Variants in ULK4 observed in about 807,000 individuals in gnomAD.
ULK4 encodes the protein inactive serine/threonine-protein kinase ULK4.
A neutral mutation model predicts 160.6 loss-of-function variants in ULK4; 133 were observed. That is an observed-to-expected ratio of 0.83 (90% CI 0.72 to 0.96). ULK4 has a LOEUF of 0.96. Among genes scored for constraint, ULK4 ranks in the 40% least tolerant of loss-of-function variants. The probability of loss-of-function intolerance (pLI) is 0.00; values close to 1 mark genes in which losing one functional copy is unlikely to be tolerated. For missense variants in ULK4, 1,580 were observed against 1,499.5 expected, an observed-to-expected ratio of 1.05 and a Z score of -0.89; for synonymous variants, 534 against 539.8, an observed-to-expected ratio of 0.99 and a Z score of 0.15.
chr3:41,730,861 T>G (rs759333951), intron 22 of ULK4, among the ~76,000 whole-genome samples: 1 of 152,192 alleles, frequency 6.6e-6, no homozygotes, highest in Non-Finnish European at 1.5e-5. Flanking sequence ...ATCCCAGGGA[T>G]GCAAGGATGG....
chr3:41,723,079 TTAA>T (rs2037530044), intron 22 of ULK4, among the ~76,000 whole-genome samples: 1 of 152,190 alleles, frequency 6.6e-6, no homozygotes, highest in Non-Finnish European at 1.5e-5. Context: ...GGTATCAGAT[TTAA>T]TTTCTACCCA....
intron 32 of ULK4, among the ~76,000 whole-genome samples, chr3:41,526,329 C>T (rs2086115705): frequency 6.6e-6 from 1 of 152,118 alleles, no homozygotes; most frequent in Non-Finnish European, 1.5e-5. Context: ...TGGAGAGGGA[C>T]AGAGCCAGAG....
intron 30 of ULK4, among the ~76,000 whole-genome samples, chr3:41,655,521 G>A (rs899412071): frequency 6.6e-6 from 1 of 151,968 alleles, no homozygotes; most frequent in African/African-American, 2.4e-5. Flanking sequence ...ACAACTTAAA[G>A]TATAATAAAA....
At chr3:41,626,321 A>G (rs896197525) in intron 30 of ULK4, among the ~76,000 whole-genome samples, 7 of 152,200 alleles carry the variant, frequency 4.6e-5, no homozygotes, top group Non-Finnish European at 8.8e-5. Context: ...TCAATACACA[A>G]TATTTTAAAT....
At chr3:41,808,012 G>C (rs1025960293) in intron 19 of ULK4, among the ~76,000 whole-genome samples, 1 of 152,110 alleles carries the variant, frequency 6.6e-6, no homozygotes, top group African/African-American at 2.4e-5. Flanking sequence ...TTGTCGTCGC[G>C]TATCTCCTAG....
chr3:41,526,814 A>T (rs61580775), intron 32 of ULK4, among the ~76,000 whole-genome samples: 254 of 152,304 alleles, frequency 1.7e-3, no homozygotes, highest in African/African-American at 4.5e-3. Context: ...AGGGTTTTTT[A>T]AAAATTTCCT....
In ULK4 at chr3:41,511,894, T is replaced by C. The variant is rs186494258; in HGVS notation, c.3227-48641A>G. ...ACAGATAAAAAAATCCTCAACAAAA[T>C]AACCAATCCAACAGTGTATCAAAAA... On this transcript the variant is annotated intron_variant, in intron 32 of 36. Coordinates refer to ENST00000301831, the MANE Select transcript of ULK4 (RefSeq NM_017886.4). 2.7e-4 allele frequency among the ~76,000 whole-genome samples: 41 copies of C among 151,870 alleles called. 1 individual carries two copies. Among genetic ancestry groups the C allele is most frequent in the Admixed American group, 2.6e-3 (39 of 15,266 alleles).
chr3:41,724,629 A>G (rs2037585660), intron 22 of ULK4, among the ~76,000 whole-genome samples: 1 of 152,092 alleles, frequency 6.6e-6, no homozygotes. Flanking sequence ...AGGCTGAGGC[A>G]GGAGAATGGC....
intron 32 of ULK4, among the ~76,000 whole-genome samples, chr3:41,496,274 T>C (rs950795475): frequency 1.3e-5 from 2 of 152,114 alleles, no homozygotes; most frequent in East Asian, 1.9e-4. Flanking sequence ...GACTGCGATA[T>C]ACAACGATTA....
chr3:41,685,332 G>C (rs1424033791), intron 27 of ULK4, among the ~76,000 whole-genome samples: 1 of 152,172 alleles, frequency 6.6e-6, no homozygotes, highest in Non-Finnish European at 1.5e-5. Context: ...ATGAGACAGA[G>C]TAGCAATGGG....
At chr3:41,459,226 T>A (rs1453292982) in intron 33 of ULK4, among the ~76,000 whole-genome samples, 30 of 151,592 alleles carry the variant, frequency 2.0e-4, no homozygotes, top group Admixed American at 1.5e-3. Flanking sequence ...TAATTTATTT[T>A]TTTATTTTTT....
intron 35 of ULK4, among the ~76,000 whole-genome samples, chr3:41,327,492 C>A (rs2080360536): frequency 6.6e-6 from 1 of 152,140 alleles, no homozygotes; most frequent in South Asian, 2.1e-4. Flanking sequence ...CCAGAGCCCA[C>A]ACACGTCCAG....
At chr3:41,487,337 T>G (rs1445797818) in intron 32 of ULK4, among the ~76,000 whole-genome samples, 1 of 152,094 alleles carries the variant, frequency 6.6e-6, no homozygotes. Context: ...CATAACAAAG[T>G]TATGTTTTAC....
chr3:41,950,632 G>A (rs1416215119), intron 2 of ULK4, among the ~76,000 whole-genome samples: 8 of 151,714 alleles, frequency 5.3e-5, no homozygotes, highest in Admixed American at 4.6e-4. Context: ...CAAGCAATTC[G>A]CCTGCCTCGG....
intron 35 of ULK4, among the ~76,000 whole-genome samples, chr3:41,259,366 C>T (rs1048287041): frequency 6.6e-6 from 1 of 152,146 alleles, no homozygotes; most frequent in African/African-American, 2.4e-5. Flanking sequence ...ATTTCAGCTT[C>T]CCCAAATACA....
intron 32 of ULK4, among the ~76,000 whole-genome samples, chr3:41,506,807 T>TATATATATATATATA (rs1559658299): frequency 9.0e-6 from 1 of 110,694 alleles, no homozygotes; most frequent in African/African-American, 3.4e-5. Context: ...TATATATATA[T>TATATATATATATATA]GAACATGTTT....
chr3:41,590,262 A>G (rs186735631), intron 31 of ULK4, among the ~76,000 whole-genome samples: 1,895 of 151,612 alleles, frequency 0.012, 38 homozygotes, highest in African/African-American at 0.044. Flanking sequence ...TTGGCCTCCC[A>G]AAGTGCTGGG....
chr3:41,297,174 C>T (rs552329572), intron 35 of ULK4, among the ~76,000 whole-genome samples: 125 of 152,180 alleles, frequency 8.2e-4, no homozygotes, highest in Admixed American at 1.5e-3. Flanking sequence ...CTGCTGCCTC[C>T]GTGAGCGCCT....
At chr3:41,479,375 C>A (rs573032385) in intron 32 of ULK4, among the ~76,000 whole-genome samples, 2 of 152,286 alleles carry the variant, frequency 1.3e-5, no homozygotes, top group South Asian at 2.1e-4. Flanking sequence ...AAGGAATAGT[C>A]CCTTCCCTTC....
Sources: allele counts gnomAD v4.1 joint callset (sites outside exome capture counted in the v4.1 genomes callset), GRCh38; gene constraint gnomAD v4.1.1; transcripts MANE v1.5; gene names NCBI Gene and HGNC (gene_info 2026-07-23, HGNC 2026-07-21).